Variants in TRDN observed in about 807,000 individuals in gnomAD.
The protein encoded by TRDN is triadin in skeletal muscle.
In TRDN, 161 loss-of-function variants were observed where a neutral mutation model predicts 149.7. The observed-to-expected ratio is 1.08, with a 90% CI of 0.95 to 1.23. The LOEUF is 1.23. TRDN is among the 50% of genes most tolerant of loss of function. The pLI is 0.00. For synonymous variants in TRDN, 294 were observed against 250.5 expected, an observed-to-expected ratio of 1.17 and a Z score of -1.64; for missense variants, 896 against 823.5, an observed-to-expected ratio of 1.09 and a Z score of -1.08.
At chr6:123,594,452 G>C (rs1307113797) in intron 1 of TRDN, among the ~76,000 whole-genome samples, 6 of 151,974 alleles carry the variant, frequency 3.9e-5, no homozygotes, top group Admixed American at 3.9e-4. Context: ...ATAGGTTGTA[G>C]CTTTTATATA....
intron 5 of TRDN, among the ~76,000 whole-genome samples, chr6:123,516,473 A>T (rs146363407): frequency 3.7e-4 from 57 of 152,206 alleles, no homozygotes; most frequent in African/African-American, 1.3e-3. Flanking sequence ...AGCTTTTCCA[A>T]ATCTTTAATT....
intron 9 of TRDN, among the ~76,000 whole-genome samples, chr6:123,466,429 C>G (rs755064596): frequency 2.0e-5 from 3 of 152,092 alleles, no homozygotes; most frequent in Admixed American, 2.0e-4. Context: ...CTGAGGTTAA[C>G]CAGAGTTTAG....
At chr6:123,464,739 A>G in intron 10 of TRDN, 167 bp downstream of exon 10, 1 of 1,396,808 alleles carries the variant, frequency 7.2e-7, no homozygotes, top group Non-Finnish European at 9.3e-7. Flanking sequence ...TTGGTTTTCT[A>G]AAAGAAGCAA....
At position 123,268,130 on chromosome 6, in the gene TRDN, C is replaced by T. The variant is rs1048940089; in HGVS notation, c.1739-379G>A. 2.6e-5 allele frequency among the ~76,000 whole-genome samples: 4 copies of T among 152,064 alleles called. No homozygotes were observed. In the East Asian group the frequency reaches 7.7e-4, roughly 29 times the overall value. ...ATGGTATTTGTCTTTGACATTTTAT[C>T]AACTCCTCTTTTTTCCTCTTTGAAT... On this transcript the variant is annotated intron_variant, in intron 31 of 40. Transcript: ENST00000334268.
At chr6:123,429,428 G>C (rs1562308786) in intron 12 of TRDN, among the ~76,000 whole-genome samples, 1 of 152,162 alleles carries the variant, frequency 6.6e-6, no homozygotes, top group African/African-American at 2.4e-5. Flanking sequence ...GGGATCCCTA[G>C]AGAGGCTGCA....
At position 123,273,338 on chromosome 6, in the gene TRDN, G is replaced by C; in HGVS notation, c.1623C>G (p.His541Gln). ...ATAAAAGATAAAATTAATACATACT[G>C]TGTATTTGCACTTTTTCAGATATAG... Reference protein sequence around the residue: ...KPAISEKVQIHKQDIVKPEKT... With the variant: ...KPAISEKVQIQKQDIVKPEKT... Residue 541 changes from histidine (H) to glutamine (Q), a missense_variant and splice_region_variant, in exon 28 of 41, where the codon CAC (histidine) becomes CAG (glutamine). Transcript: ENST00000334268. 1 of 1,059,432 alleles carries C rather than the reference G, an allele frequency of 9.4e-7. No homozygotes were observed. Among genetic ancestry groups the C allele is most frequent in the Non-Finnish European group, 1.3e-6 (1 of 783,498 alleles). The allele number at this position is 1,059,432 out of a possible 1,614,324, so 65.6% of individuals were successfully genotyped here. A position where few individuals can be genotyped will look rare whatever the true frequency, so the allele number is the denominator to read the frequency against.
chr6:123,485,229 T>C (rs1188268293), intron 9 of TRDN, among the ~76,000 whole-genome samples: 1 of 152,176 alleles, frequency 6.6e-6, no homozygotes, highest in Non-Finnish European at 1.5e-5. Context: ...TACTCATGCA[T>C]GCAGCAAACC....
At chr6:123,360,041 C>T (rs952823824) in intron 20 of TRDN, among the ~76,000 whole-genome samples, 2 of 151,854 alleles carry the variant, frequency 1.3e-5, no homozygotes, top group Admixed American at 6.6e-5. Flanking sequence ...TTTTAAGTTC[C>T]GGGGTACAAG....
chr6:123,590,193 C>T (rs1172673128), intron 1 of TRDN, among the ~76,000 whole-genome samples: 1 of 152,158 alleles, frequency 6.6e-6, no homozygotes, highest in East Asian at 1.9e-4. Context: ...TATTTACAGC[C>T]ACTCTCCAGG....
chr6:123,278,226 AT>A, intron 26 of TRDN, 91 bp downstream of exon 26: 1 of 881,752 alleles, frequency 1.1e-6, no homozygotes, highest in South Asian at 2.0e-5. Flanking sequence ...TTGATAAAAT[AT>A]TTGTACTAGG....
chr6:123,455,163 T>C (rs1262240716), intron 10 of TRDN, among the ~76,000 whole-genome samples: 4 of 152,190 alleles, frequency 2.6e-5, no homozygotes, highest in Non-Finnish European at 5.9e-5. Flanking sequence ...GAATTTAGTA[T>C]GCAAAAGGAA....
At chr6:123,305,742 T>C (rs1178617710) in intron 24 of TRDN, among the ~76,000 whole-genome samples, 2 of 152,156 alleles carry the variant, frequency 1.3e-5, no homozygotes, top group Admixed American at 1.3e-4. Context: ...ATGGCATAAT[T>C]AAAATTTCAG....
intron 5 of TRDN, 94 bp from the exon 6 acceptor site, chr6:123,516,300 T>C (rs1052148187): frequency 8.6e-6 from 11 of 1,285,010 alleles, no homozygotes; most frequent in South Asian, 2.0e-5. Context: ...ATTTATCTTC[T>C]GTTTTTAGAA....
At chr6:123,594,690 C>A (rs1255404370) in intron 1 of TRDN, among the ~76,000 whole-genome samples, 1 of 151,806 alleles carries the variant, frequency 6.6e-6, no homozygotes, top group Non-Finnish European at 1.5e-5. Context: ...ACCCTCAGAA[C>A]CTAAAATACA....
At chr6:123,253,721 G>A (rs1189760565) in intron 37 of TRDN, among the ~76,000 whole-genome samples, 1 of 152,084 alleles carries the variant, frequency 6.6e-6, no homozygotes, top group Non-Finnish European at 1.5e-5. Context: ...CCAAGATGAA[G>A]ACTTTAAAAC....
intron 12 of TRDN, among the ~76,000 whole-genome samples, chr6:123,401,802 C>T (rs998245630): frequency 2.0e-5 from 3 of 152,082 alleles, no homozygotes; most frequent in Non-Finnish European, 4.4e-5. Flanking sequence ...CAAAAATTAG[C>T]TGGGTGTGGG....
chr6:123,378,747 T>C (rs547079451), intron 16 of TRDN, among the ~76,000 whole-genome samples: 36 of 152,340 alleles, frequency 2.4e-4, no homozygotes, highest in African/African-American at 7.2e-4. Context: ...TTGTGAGGCA[T>C]ATTTAAGACA....
intron 1 of TRDN, among the ~76,000 whole-genome samples, chr6:123,599,300 A>G (rs1317768359): frequency 2.0e-5 from 3 of 151,784 alleles, no homozygotes; most frequent in Admixed American, 2.0e-4. Flanking sequence ...TTGGGGTTAT[A>G]TAACTGAGAA....
At chr6:123,289,503 C>T (rs993036693) in intron 24 of TRDN, among the ~76,000 whole-genome samples, 4 of 152,020 alleles carry the variant, frequency 2.6e-5, no homozygotes, top group African/African-American at 9.7e-5. Flanking sequence ...AGATTGAGGC[C>T]TAGCTAAAAC....
Sources: allele counts gnomAD v4.1 joint callset (sites outside exome capture counted in the v4.1 genomes callset), GRCh38; gene constraint gnomAD v4.1.1; transcripts MANE v1.5; gene names NCBI Gene and HGNC (gene_info 2026-07-23, HGNC 2026-07-21).